Variants in COL16A1 observed in about 807,000 individuals in gnomAD.
COL16A1 encodes the protein collagen alpha-1(XVI) chain.
COL16A1 carries 189 observed loss-of-function variants against 266.3 expected under a neutral mutation model. The observed-to-expected ratio is 0.71, with a 90% CI of 0.63 to 0.80. COL16A1 has a LOEUF of 0.80. Ranked by LOEUF, COL16A1 falls within the 30% of genes least tolerant of loss-of-function variation. The pLI, the probability that COL16A1 is intolerant of heterozygous loss-of-function variation, is 0.00. For synonymous variants in COL16A1, 740 were observed against 782.3 expected (o/e 0.95, Z 0.90); for missense variants, 1,928 against 2,122.4 (o/e 0.91, Z 1.80).
chr1:31,675,163 A>AC, intron 43 of COL16A1, 95 bp downstream of exon 43: 1 of 1,609,976 alleles, frequency 6.2e-7, no homozygotes, highest in Non-Finnish European at 8.5e-7. Flanking sequence ...GAGAAGAGGG[A>AC]CCCCCACTGC....
At chr1:31,696,228 G>C (rs753561087) in intron 8 of COL16A1, 87 bp from the exon 9 acceptor site, 47 of 1,204,376 alleles carry the variant, frequency 3.9e-5, no homozygotes, top group Non-Finnish European at 5.5e-5. Flanking sequence ...AGGGGGCATG[G>C]GCCCCAGGTA....
chr1:31,680,308 G>T (rs1390359287), intron 39 of COL16A1, among the ~76,000 whole-genome samples: 1 of 152,184 alleles, frequency 6.6e-6, no homozygotes, highest in Admixed American at 6.5e-5. Context: ...AATTCCAAGC[G>T]CATGGAGTCT....
At position 31,652,474 on chromosome 1, in the gene COL16A1, G is replaced by T; in HGVS notation, c.*177C>A. On this transcript the variant is annotated 3_prime_UTR_variant, in exon 71 of 71. Transcript: ENST00000373672. This position sits in a 1 kb window ranked among gnomAD's most constrained non-coding sequence, Gnocchi z 4.8. ...GGGAGCTCTGGCTGCAGCACCAGAG[G>T]AACCCACTGGAAGGGAAAGGGCAGA... is the stretch of plus-strand genomic sequence containing the variant. The T allele has an allele frequency of 4.3e-6, 3 of 702,776 alleles. No individual in the cohort carries two copies. The highest frequency in any genetic ancestry group is 6.2e-6 in the Non-Finnish European group (3 of 486,522). 43.5% of individuals were successfully genotyped at this position (702,776 alleles called of 1,614,324 possible).
chr1:31,692,746 G>A, intron 14 of COL16A1, 21 bp downstream of exon 14: 1 of 1,613,596 alleles, frequency 6.2e-7, no homozygotes, highest in Non-Finnish European at 8.5e-7. Flanking sequence ...CCCTGAAGCA[G>A]GCATCACCTC....
chr1:31,670,265 C>T lies in COL16A1; in HGVS notation c.3195+337G>A. Reference sequence around the variant, plus strand: ...GAATGGAGGGGCCCCCTAGAGGCACCAGCTTAAGAGGAAGGTTCACGAGCT... The same window carrying T: ...GAATGGAGGGGCCCCCTAGAGGCACTAGCTTAAGAGGAAGGTTCACGAGCT... On this transcript the variant is annotated intron_variant, in intron 49 of 70. Transcript: ENST00000373672. The surrounding 1 kb of genome is among the most constrained non-coding windows in gnomAD (Gnocchi z 4.5). 1 of 301,502 alleles carries T rather than the reference C, an allele frequency of 3.3e-6. No individual in the cohort carries two copies. Among genetic ancestry groups the T allele is most frequent in the East Asian group, 5.6e-5 (1 of 17,726 alleles). The allele number at this position is 301,502 out of a possible 1,614,324, so 18.7% of individuals were successfully genotyped here. A position where few individuals can be genotyped will look rare whatever the true frequency, so the allele number is the denominator to read the frequency against.
At chr1:31,673,233 A>G (rs562071615) in intron 44 of COL16A1, 155 of 322,178 alleles carry the variant, frequency 4.8e-4, no homozygotes, top group African/African-American at 3.2e-3. Flanking sequence ...TCTCTGCCCA[A>G]GGGAGCAAAG....
rs1644478547 is a variant in COL16A1, at chr1:31,695,928, CCTT to C, written c.919-144_919-142del. 7.1e-6 allele frequency: 7 copies of C among 980,858 alleles called. No individual in the cohort carries two copies. In the Admixed American group the frequency reaches 9.5e-5, roughly 13 times the overall value. The allele number at this position is 980,858 out of a possible 1,614,324, so 60.8% of individuals were successfully genotyped here. A position where few individuals can be genotyped will look rare whatever the true frequency, so the allele number is the denominator to read the frequency against. On this transcript the variant is annotated intron_variant, in intron 9 of 70. Transcript: ENST00000373672. ...CTGCGTCTGTCTCACCCCCATCCGT[CCTT>C]CTTGATCAGAGCTGGCACCTACATG... is the stretch of plus-strand genomic sequence containing the variant.
rs914789652 is a variant in COL16A1 at position 31,670,564 on chromosome 1, C to CG, written c.3195+37dup. 32 of 1,355,930 alleles carry CG rather than the reference C, an allele frequency of 2.4e-5. No individual in the cohort carries two copies. The highest frequency in any genetic ancestry group is 2.3e-4 in the African/African-American group (15 of 65,084). The allele number at this position is 1,355,930 out of a possible 1,614,324, so 84.0% of individuals were successfully genotyped here. ...GCAAAAGCCACAGAGACCTGGCTGA[C>CG]GGGGGGGAGGGGAGGTCGAGCAGCG... On this transcript the variant is annotated intron_variant, in intron 49 of 70. Transcript: ENST00000373672. The surrounding 1 kb of genome is among the most constrained non-coding windows in gnomAD (Gnocchi z 4.5).
intron 58 of COL16A1, among the ~76,000 whole-genome samples, chr1:31,662,066 T>G (rs1641718677): frequency 6.6e-6 from 1 of 152,250 alleles, no homozygotes; most frequent in South Asian, 2.1e-4. Flanking sequence ...CTGTCTTGAG[T>G]TTCTGCATAC....
At chr1:31,680,834 G>C in intron 39 of COL16A1, 71 bp downstream of exon 39, 1 of 1,611,326 alleles carries the variant, frequency 6.2e-7, no homozygotes, top group Non-Finnish European at 8.5e-7. Context: ...CCCAGAGTAC[G>C]GGTCACAGGT....
chr1:31,689,086 C>T lies in COL16A1; in HGVS notation c.1621-1G>A. On this transcript the variant is annotated splice_acceptor_variant, in intron 23 of 70. Transcript: ENST00000373672. LOFTEE classifies it high-confidence loss of function. Reference sequence around the variant, plus strand: ...TGATGCCTTGGATGCCAGGGTCTCCCTGCAGGGTAAAAAGGTTTGTGGGCT... The same window carrying T: ...TGATGCCTTGGATGCCAGGGTCTCCTTGCAGGGTAAAAAGGTTTGTGGGCT... 6.2e-7 allele frequency: 1 copy of T among 1,613,758 alleles called. No individual in the cohort carries two copies.
Position 31,692,083 on chromosome 1 carries a change from G to A in COL16A1, c.1195-16C>T, listed in dbSNP as rs201234925. 1.8e-5 allele frequency: 29 copies of A among 1,613,488 alleles called. No homozygotes were observed. Among genetic ancestry groups the A allele is most frequent in the Non-Finnish European group, 2.4e-5 (28 of 1,180,016 alleles). ...CTTTCTGGCCCTGGGGAAGGAAGAA[G>A]CAGAGTGACCAGGATGAGGGAAGGG... On this transcript the variant is annotated splice_polypyrimidine_tract_variant and intron_variant, in intron 16 of 70. Transcript: ENST00000373672.
At position 31,688,980 on chromosome 1, in the gene COL16A1, A is replaced by G; in HGVS notation, c.1657-9T>C. 6.2e-7 allele frequency: 1 copy of G among 1,614,152 alleles called. No homozygotes were observed. Among genetic ancestry groups the G allele is most frequent in the Non-Finnish European group, 8.5e-7 (1 of 1,179,994 alleles). On this transcript the variant is annotated splice_polypyrimidine_tract_variant and intron_variant, in intron 24 of 70. Transcript: ENST00000373672. This position sits in a 1 kb window ranked among gnomAD's most constrained non-coding sequence, Gnocchi z 4.9. ...GACAAGCAGGGCTCCCCCTGGGGAA[A>G]GAAGAGGAAGGATCAGAAATGCTTC...
Position 31,654,811 on chromosome 1 carries a change from C to A in COL16A1, c.4338G>T (p.Glu1446Asp), listed in dbSNP as rs1414344470. ...YDEIKRFIRQ[E>D]IIKMFDERMA... ...AGTTACCATCAAACATTTTAATGAT[C>A]TCTTGTCTGATGAACCTCTTGATTT... is the stretch of plus-strand genomic sequence containing the variant. Residue 1446 changes from glutamate to aspartate, a missense_variant, in exon 68 of 71, where the codon GAG (glutamate) becomes GAT (aspartate). Glu to Asp is a conservative substitution (Grantham distance 45, BLOSUM62 2). Transcript: ENST00000373672. 1 of 1,613,910 alleles carries A rather than the reference C, an allele frequency of 6.2e-7. No individual in the cohort carries two copies. Among genetic ancestry groups the A allele is most frequent in the Non-Finnish European group, 8.5e-7 (1 of 1,180,016 alleles).
At position 31,684,457 on chromosome 1, in the gene COL16A1, C is replaced by T. The variant is rs1211668226; in HGVS notation, c.2160+66G>A. 3 of 1,575,118 alleles carry T rather than the reference C, an allele frequency of 1.9e-6. No individual in the cohort carries two copies. In the African/African-American group the frequency reaches 4.1e-5, roughly 21 times the overall value. On this transcript the variant is annotated intron_variant, in intron 31 of 70. Transcript: ENST00000373672. Reference sequence around the variant, plus strand: ...AGCTGGCCCTGCAGTCCTTCCCTCACTGGTGCGACACCTGATTTTTTTTAT... The same window carrying T: ...AGCTGGCCCTGCAGTCCTTCCCTCATTGGTGCGACACCTGATTTTTTTTAT...
At chr1:31,691,374 G>T (rs755045502) in intron 19 of COL16A1, 43 bp downstream of exon 19, 50 of 1,591,998 alleles carry the variant, frequency 3.1e-5, no homozygotes, top group Non-Finnish European at 4.1e-5. Context: ...TGGGAGAGCG[G>T]TCTCTGAGAA....
At chr1:31,682,348 G>T in intron 37 of COL16A1, among the ~76,000 whole-genome samples, 1 of 152,274 alleles carries the variant, frequency 6.6e-6, no homozygotes, top group Non-Finnish European at 1.5e-5. Flanking sequence ...GATCTGTGCC[G>T]TCTGATACAG....
intron 22 of COL16A1, chr1:31,690,104 AT>A: frequency 1.6e-6 from 1 of 632,878 alleles, no homozygotes; most frequent in Non-Finnish European, 2.7e-6. Context: ...ACTGACAGAC[AT>A]GGAAACTTGG....
chr1:31,660,496 C>T, intron 62 of COL16A1, 89 bp downstream of exon 62: 1 of 1,549,664 alleles, frequency 6.5e-7, no homozygotes. Flanking sequence ...ATGGCAAGTT[C>T]TCTCAGGTCA....
Sources: gnomAD v4.1 joint callset for allele counts (sites outside exome capture counted in the v4.1 genomes callset) on GRCh38, gnomAD v4.1.1 for gene constraint, Gnocchi (gnomAD v3.1) non-coding constraint, MANE v1.5 for transcripts, NCBI Gene and HGNC (gene_info 2026-07-23, HGNC 2026-07-21) for gene names.